Variants in NRG1 observed in about 807,000 individuals in gnomAD.
The protein encoded by NRG1 is neuregulin 1.
Under a neutral mutation model 63.8 loss-of-function variants are expected in NRG1, and 18 were observed. That is an observed-to-expected ratio of 0.28 (90% confidence interval 0.19 to 0.42). The LOEUF (loss-of-function observed/expected upper bound fraction) is 0.42. NRG1 is among the 10% of genes least tolerant of loss of function. The pLI, the probability that NRG1 is intolerant of heterozygous loss-of-function variation, is 1.00. For synonymous variants in NRG1, 302 were observed against 301.3 expected, an observed-to-expected ratio of 1.00 and a Z score of -0.02; for missense variants, 762 against 814.7, an observed-to-expected ratio of 0.94 and a Z score of 0.79.
intron 1 of NRG1, among the ~76,000 whole-genome samples, chr8:32,025,816 C>T (rs1817183486): frequency 6.6e-6 from 1 of 151,256 alleles, no homozygotes; most frequent in African/African-American, 2.4e-5. Context: ...GGCCTGGTGG[C>T]GGGCGCCTGT....
rs1251922697 is a variant in NRG1 at position 32,196,803 on chromosome 8, G to T, written c.38-399025G>T. ...TCTGTGAACCAAAGGCATAGTCTTA[G>T]GCTTCCTCTTATAGTCTAGCATGAT... On this transcript the variant is annotated intron_variant, in intron 1 of 10. Coordinates refer to the NRG1 transcript ENST00000519301. 3.3e-5 allele frequency among the ~76,000 whole-genome samples: 5 copies of T among 151,858 alleles called. No individual in the cohort carries two copies. The East Asian group carries it at 9.6e-4, about 29-fold the overall frequency.
rs78902121 is a variant in NRG1, at chr8:31,898,903, T to A, written c.37+259472T>A. Among the ~76,000 whole-genome samples, 100 of 152,258 alleles carry A rather than the reference T, an allele frequency of 6.6e-4. 1 individual carries two copies. In the East Asian group the frequency reaches 0.016, roughly 24 times the overall value. On this transcript the variant is annotated intron_variant, in intron 1 of 10. Transcript: ENST00000519301. ...TTCAATTCCTAAATTACTCCCAGTA[T>A]GACAGTGATTTCTACTGTGTTTCTC...
At chr8:32,105,532 A>T (rs1379274287) in intron 1 of NRG1, among the ~76,000 whole-genome samples, 1 of 152,174 alleles carries the variant, frequency 6.6e-6, no homozygotes, top group Non-Finnish European at 1.5e-5. Flanking sequence ...GGTGTCTCCC[A>T]CAACACATGG....
intron 1 of NRG1, among the ~76,000 whole-genome samples, chr8:32,252,248 T>C (rs576281754): frequency 6.6e-6 from 1 of 152,308 alleles, no homozygotes; most frequent in South Asian, 2.1e-4. Flanking sequence ...GCTTTTGGTG[T>C]TTTAATCATG....
chr8:32,764,023 G>C, exon 12 of NRG1: 1 of 1,614,094 alleles, frequency 6.2e-7, no homozygotes. Context: ...CTCCCTGCTA[G>C]CCCCTTGAGG....
chr8:32,704,802 T>C (rs1409266992), intron 5 of NRG1, among the ~76,000 whole-genome samples: 2 of 152,202 alleles, frequency 1.3e-5, no homozygotes, highest in African/African-American at 4.8e-5. Context: ...ATATTTATCA[T>C]TTACAGACAG....
intron 1 of NRG1, among the ~76,000 whole-genome samples, chr8:31,973,326 ACT>A (rs1251677942): frequency 2.0e-5 from 3 of 152,174 alleles, no homozygotes; most frequent in Non-Finnish European, 4.4e-5. Flanking sequence ...TGTAGATATC[ACT>A]CTAGATGAAA....
intron 1 of NRG1, among the ~76,000 whole-genome samples, chr8:32,017,483 G>A (rs559250738): frequency 6.6e-6 from 1 of 152,274 alleles, no homozygotes; most frequent in Non-Finnish European, 1.5e-5. Flanking sequence ...AGCCTGGATG[G>A]AGATATCATC....
chr8:32,552,210 CTTTT>C (rs35243877), intron 1 of NRG1, among the ~76,000 whole-genome samples: 3 of 124,748 alleles, frequency 2.4e-5, no homozygotes, highest in African/African-American at 6.1e-5. Flanking sequence ...CGCTTGGCCG[CTTTT>C]TTTTTTTTTT....
chr8:31,776,415 A>G (rs948393155), intron 1 of NRG1, among the ~76,000 whole-genome samples: 1 of 152,012 alleles, frequency 6.6e-6, no homozygotes, highest in Non-Finnish European at 1.5e-5. Flanking sequence ...AAATGATGGG[A>G]AAAAATAGGA....
intron 3 of NRG1, among the ~76,000 whole-genome samples, chr8:32,608,101 TTTTTTG>T (rs1349494960): frequency 8.0e-6 from 1 of 125,110 alleles, no homozygotes; most frequent in Non-Finnish European, 1.6e-5. Context: ...TGTTTTTTTT[TTTTTTG>T]TTTTTTTTTT....
At chr8:32,696,815 C>T (rs528167759) in intron 5 of NRG1, among the ~76,000 whole-genome samples, 8 of 152,206 alleles carry the variant, frequency 5.3e-5, no homozygotes, top group Middle Eastern at 3.4e-3. Flanking sequence ...CGTGCGCCAC[C>T]GCACCCAGCT....
At chr8:32,349,299 A>G (rs558443189) in intron 1 of NRG1, among the ~76,000 whole-genome samples, 75 of 152,336 alleles carry the variant, frequency 4.9e-4, no homozygotes, top group African/African-American at 1.7e-3. Flanking sequence ...AAAATTTCAA[A>G]TCTTCCCATA....
At chr8:31,674,388 C>A (rs1563279783) in intron 1 of NRG1, among the ~76,000 whole-genome samples, 1 of 152,122 alleles carries the variant, frequency 6.6e-6, no homozygotes, top group Non-Finnish European at 1.5e-5. Context: ...TACATCCTTG[C>A]CAATACTTAT....
chr8:32,178,590 A>C (rs1000126469), intron 1 of NRG1, among the ~76,000 whole-genome samples: 2 of 152,176 alleles, frequency 1.3e-5, no homozygotes, highest in Non-Finnish European at 2.9e-5. Context: ...AGCCTAGGTG[A>C]TAGAGTGAGA....
chr8:32,545,500 T>C (rs1036050170), upstream of NRG1, among the ~76,000 whole-genome samples: 5 of 152,064 alleles, frequency 3.3e-5, no homozygotes, highest in Admixed American at 2.6e-4. Flanking sequence ...GCAAAAATAT[T>C]CTTCCTCTTT....
chr8:31,964,174 G>A (rs1805940707), intron 1 of NRG1, among the ~76,000 whole-genome samples: 1 of 152,190 alleles, frequency 6.6e-6, no homozygotes, highest in African/African-American at 2.4e-5. Flanking sequence ...TGAAGCAGAG[G>A]AGAAACAGCT....
At chr8:32,071,852 G>A (rs1563752722) in intron 1 of NRG1, among the ~76,000 whole-genome samples, 1 of 152,076 alleles carries the variant, frequency 6.6e-6, no homozygotes, top group African/African-American at 2.4e-5. Context: ...AGTGGTTTTG[G>A]TGATTCAATT....
chr8:32,114,764 T>C (rs1455107871), intron 1 of NRG1, among the ~76,000 whole-genome samples: 2 of 152,280 alleles, frequency 1.3e-5, no homozygotes, highest in South Asian at 4.1e-4. Flanking sequence ...CCCAGAACTC[T>C]CCCTGGAGCT....
Sources: gnomAD v4.1 joint callset for allele counts (sites outside exome capture counted in the v4.1 genomes callset) on GRCh38, gnomAD v4.1.1 for gene constraint, MANE v1.5 for transcripts, NCBI Gene and HGNC (gene_info 2026-07-23, HGNC 2026-07-21) for gene names.